The following BIN1 variants were observed in gnomAD, a reference collection of about 807,000 sequenced individuals.
BIN1 encodes the protein myc box-dependent-interacting protein 1.
Under a neutral mutation model 82.0 loss-of-function variants are expected in BIN1, and 53 were observed. The ratio of observed to expected loss-of-function variants is 0.65; its 90% CI spans 0.52 to 0.81. BIN1 has a LOEUF of 0.81. Ranked by LOEUF, BIN1 falls within the 40% of genes least tolerant of loss-of-function variation. The pLI is 0.00. For synonymous variants in BIN1, 302 were observed against 328.0 expected (o/e 0.92, Z 0.86); for missense variants, 642 against 784.4 (o/e 0.82, Z 2.17).
intron 2 of BIN1, among the ~76,000 whole-genome samples, chr2:127,072,471 A>G (rs928831371): frequency 6.6e-6 from 1 of 152,206 alleles, no homozygotes; most frequent in African/African-American, 2.4e-5. Context: ...CGCAGCCCGC[A>G]GGGTGTTTTG....
intron 12 of BIN1, among the ~76,000 whole-genome samples, chr2:127,056,821 A>C: frequency 6.6e-6 from 1 of 152,196 alleles, no homozygotes; most frequent in South Asian, 2.1e-4. Context: ...ACCATGAAGG[A>C]CGTAAGACCT....
chr2:127,050,667 C>A, intron 17 of BIN1, 135 bp downstream of exon 17: 1 of 1,322,406 alleles, frequency 7.6e-7, no homozygotes, highest in Non-Finnish European at 1.1e-6. Flanking sequence ...GGCTCAGATG[C>A]CACCTTGCTG....
intron 1 of BIN1, among the ~76,000 whole-genome samples, chr2:127,084,855 T>G (rs921993509): frequency 6.6e-6 from 1 of 152,222 alleles, no homozygotes; most frequent in African/African-American, 2.4e-5. Flanking sequence ...CTGTGGCACC[T>G]GCCCCAGGCT....
chr2:127,078,161 G>T (rs1356435155), intron 1 of BIN1, among the ~76,000 whole-genome samples: 1 of 152,188 alleles, frequency 6.6e-6, no homozygotes, highest in Non-Finnish European at 1.5e-5. Context: ...GCCCTTGCAG[G>T]TCCTGTGCTG....
At chr2:127,075,713 G>C (rs1686498097) in intron 2 of BIN1, among the ~76,000 whole-genome samples, 1 of 134,706 alleles carries the variant, frequency 7.4e-6, no homozygotes, top group Admixed American at 7.3e-5. Context: ...CTCCCAGAAT[G>C]CTCCCCGGCC....
intron 1 of BIN1, among the ~76,000 whole-genome samples, chr2:127,095,638 C>A (rs570686969): frequency 6.6e-6 from 1 of 152,320 alleles, no homozygotes; most frequent in East Asian, 1.9e-4. Flanking sequence ...TCCCTGGACT[C>A]AGGGATGGGG....
intron 1 of BIN1, among the ~76,000 whole-genome samples, chr2:127,080,908 A>G (rs1157159858): frequency 6.6e-6 from 1 of 152,190 alleles, no homozygotes; most frequent in Non-Finnish European, 1.5e-5. Context: ...CCTCCCTAGA[A>G]AGGCTGGGTG....
intron 10 of BIN1, chr2:127,060,761 TC>T: frequency 7.6e-7 from 1 of 1,318,940 alleles, no homozygotes; most frequent in South Asian, 1.2e-5. Context: ...CAAAAGCCTC[TC>T]CTAAGTGCCA....
At chr2:127,049,204 T>C (rs1682561471) in intron 18 of BIN1, among the ~76,000 whole-genome samples, 1 of 152,162 alleles carries the variant, frequency 6.6e-6, no homozygotes, top group Non-Finnish European at 1.5e-5. Context: ...TCTTTGTTAT[T>C]TCCCTCTGTG....
In BIN1 at chr2:127,076,561, G is replaced by A. The variant is rs1037253418; in HGVS notation, c.165+65C>T. 3.8e-6 allele frequency: 6 copies of A among 1,573,450 alleles called. No individual in the cohort carries two copies. The Middle Eastern group carries it at 5.0e-4, about 131-fold the overall frequency. Reference sequence around the variant, plus strand: ...CTCGTACTCCACAAATTCAGCTCGTGCCATTTTTCACCTGGCAGCCGAATT... The same window carrying A: ...CTCGTACTCCACAAATTCAGCTCGTACCATTTTTCACCTGGCAGCCGAATT... On this transcript the variant is annotated intron_variant, in intron 2 of 18. Transcript: ENST00000316724.
At chr2:127,103,027 G>A (rs1392164082) in intron 1 of BIN1, among the ~76,000 whole-genome samples, 2 of 152,190 alleles carry the variant, frequency 1.3e-5, no homozygotes, top group Non-Finnish European at 2.9e-5. Flanking sequence ...GTAGAGGGGG[G>A]CATCTTTGTG....
At chr2:127,063,128 G>T (rs969318297) in intron 9 of BIN1, among the ~76,000 whole-genome samples, 1 of 152,238 alleles carries the variant, frequency 6.6e-6, no homozygotes, top group Non-Finnish European at 1.5e-5. Flanking sequence ...ACCAGACCCT[G>T]TCGCACAGTG....
intron 2 of BIN1, among the ~76,000 whole-genome samples, chr2:127,072,651 A>G (rs1458803858): frequency 6.6e-6 from 1 of 152,156 alleles, no homozygotes; most frequent in Non-Finnish European, 1.5e-5. Context: ...AAATTCCTTT[A>G]ATCCCCCATA....
intron 18 of BIN1, among the ~76,000 whole-genome samples, chr2:127,048,853 G>A (rs967316641): frequency 3.3e-5 from 5 of 152,222 alleles, no homozygotes; most frequent in Middle Eastern, 3.2e-3. Context: ...CCTGTCGTCC[G>A]CAGGTGGATC....
rs1487254910 is a variant in BIN1 at position 127,057,981 on chromosome 2, C to T, written c.1003-380G>A. Among the ~76,000 whole-genome samples, 1 of 152,120 alleles carries T rather than the reference C, an allele frequency of 6.6e-6. No homozygotes were observed. Among genetic ancestry groups the T allele is most frequent in the Non-Finnish European group, 1.5e-5 (1 of 68,006 alleles). On this transcript the variant is annotated intron_variant, in intron 11 of 18. Coordinates refer to ENST00000316724, the MANE Select transcript of BIN1 (RefSeq NM_139343.3). This position sits in a 1 kb window ranked among gnomAD's most constrained non-coding sequence, Gnocchi z 5.0. ...TGAGAAGACTGGGGAAGCAAACAGT[C>T]GTTGAGAGACAGCCGGGCCCCAGCC...
intron 2 of BIN1, among the ~76,000 whole-genome samples, chr2:127,073,567 C>T (rs1686201552): frequency 6.6e-6 from 1 of 152,278 alleles, no homozygotes; most frequent in East Asian, 1.9e-4. Flanking sequence ...CCTGAGCACC[C>T]AAGTCCCTGT....
Position 127,051,159 on chromosome 2 carries a change from C to T in BIN1, c.1456G>A (p.Ala486Thr). The change falls in exon 16 of 19, where the codon GCC (alanine) becomes ACC (threonine). Residue 486 changes from alanine (A) to threonine (T), a missense_variant. Physicochemically the swap from Ala to Thr is moderately conservative, Grantham distance 58. Coordinates refer to ENST00000316724, the MANE Select transcript of BIN1 (RefSeq NM_139343.3). ...EPGETAASEA[A>T]SSSLPAVVVE... ...CTTTGTCCCTGCTGTCTTACGGAGGCTGCTTCACTTGCCGCCGTCTCCCCT... is the reference window on the plus strand; with the variant it reads ...CTTTGTCCCTGCTGTCTTACGGAGGTTGCTTCACTTGCCGCCGTCTCCCCT... 1 of 1,613,550 alleles carries T rather than the reference C, an allele frequency of 6.2e-7. No homozygotes were observed.
chr2:127,051,343 G>C, intron 15 of BIN1, 100 bp from the exon 16 acceptor site: 1 of 1,223,416 alleles, frequency 8.2e-7, no homozygotes, highest in Admixed American at 1.9e-5. Context: ...GACAGGGCCG[G>C]GGGCATCGCC....
chr2:127,081,384 G>A (rs777616729), intron 1 of BIN1, among the ~76,000 whole-genome samples: 3 of 152,198 alleles, frequency 2.0e-5, no homozygotes, highest in African/African-American at 7.2e-5. Context: ...AGCTCTAGCC[G>A]CCACAGTGAG....
Sources: allele counts gnomAD v4.1 joint callset (sites outside exome capture counted in the v4.1 genomes callset), GRCh38; gene constraint gnomAD v4.1.1; non-coding constraint Gnocchi (gnomAD v3.1); transcripts MANE v1.5; gene names NCBI Gene and HGNC (gene_info 2026-07-23, HGNC 2026-07-21).